LRMDA: variants seen among roughly 807,000 people sequenced by gnomAD.
LRMDA encodes the protein leucine-rich melanocyte differentiation-associated protein.
A neutral mutation model predicts 29.8 loss-of-function variants in LRMDA; 18 were observed. The observed-to-expected ratio is 0.60, with a 90% CI of 0.42 to 0.90. The LOEUF is 0.90. LRMDA is among the 40% of genes least tolerant of loss of function. LRMDA has a pLI of 0.00. For missense variants in LRMDA, 273 were observed against 273.9 expected, an observed-to-expected ratio of 1.00 and a Z score of 0.02; for synonymous variants, 125 against 109.4, an observed-to-expected ratio of 1.14 and a Z score of -0.89.
chr10:75,548,544 G>A (rs980126564), intron 2 of LRMDA, among the ~76,000 whole-genome samples: 2 of 151,950 alleles, frequency 1.3e-5, no homozygotes, highest in African/African-American at 4.8e-5. Context: ...AACAATGAGG[G>A]GTAGTTCCTA....
At chr10:76,110,955 G>C (rs1050593697) in intron 5 of LRMDA, among the ~76,000 whole-genome samples, 10 of 151,990 alleles carry the variant, frequency 6.6e-5, no homozygotes, top group Admixed American at 6.6e-4. Flanking sequence ...CAGCATCCCT[G>C]TCCCTACCCC....
intron 5 of LRMDA, among the ~76,000 whole-genome samples, chr10:76,160,442 AT>A (rs1564670914): frequency 6.6e-6 from 1 of 151,862 alleles, no homozygotes; most frequent in Non-Finnish European, 1.5e-5. Context: ...TATATTTAAA[AT>A]TTTTTTTCTT....
intron 2 of LRMDA, among the ~76,000 whole-genome samples, chr10:76,011,524 A>T (rs1275466323): frequency 2.0e-5 from 3 of 152,068 alleles, no homozygotes; most frequent in Non-Finnish European, 4.4e-5. Flanking sequence ...CCTCCATGTG[A>T]CTAGTGGAGC....
intron 6 of LRMDA, among the ~76,000 whole-genome samples, chr10:76,476,631 C>G (rs1475909013): frequency 6.6e-6 from 1 of 152,124 alleles, no homozygotes; most frequent in Non-Finnish European, 1.5e-5. Flanking sequence ...CCCTGATAAG[C>G]ATCGATGCAA....
At chr10:76,427,563 A>T (rs1842141968) in intron 6 of LRMDA, among the ~76,000 whole-genome samples, 1 of 152,104 alleles carries the variant, frequency 6.6e-6, no homozygotes, top group African/African-American at 2.4e-5. Context: ...GGACAATTAG[A>T]CTTCCTCTTT....
At chr10:76,103,891 A>G (rs985113931) in intron 5 of LRMDA, among the ~76,000 whole-genome samples, 5 of 152,016 alleles carry the variant, frequency 3.3e-5, no homozygotes, top group Non-Finnish European at 7.4e-5. Flanking sequence ...TCTACTAAAA[A>G]TACAAAAGTT....
intron 6 of LRMDA, among the ~76,000 whole-genome samples, chr10:76,337,438 G>A (rs572084933): frequency 7.9e-5 from 12 of 152,288 alleles, no homozygotes; most frequent in Admixed American, 2.6e-4. Context: ...TGATGGTGGA[G>A]TAAAGACCTG....
intron 6 of LRMDA, among the ~76,000 whole-genome samples, chr10:76,352,308 A>G (rs1014408875): frequency 2.0e-5 from 3 of 152,132 alleles, no homozygotes; most frequent in Non-Finnish European, 4.4e-5. Context: ...AGAGATAACG[A>G]TAACTGATAA....
At chr10:76,086,429 C>A (rs1418650496) in intron 5 of LRMDA, among the ~76,000 whole-genome samples, 1 of 152,144 alleles carries the variant, frequency 6.6e-6, no homozygotes, top group Non-Finnish European at 1.5e-5. Flanking sequence ...TTCAAACAAG[C>A]CCTAGTTTCC....
chr10:75,993,786 G>A (rs1022778420), intron 2 of LRMDA, among the ~76,000 whole-genome samples: 3 of 152,030 alleles, frequency 2.0e-5, no homozygotes, highest in African/African-American at 7.2e-5. Flanking sequence ...CATATTATTG[G>A]TACGTGGTGG....
At chr10:76,244,761 G>C (rs537472994) in intron 5 of LRMDA, among the ~76,000 whole-genome samples, 1 of 152,304 alleles carries the variant, frequency 6.6e-6, no homozygotes, top group East Asian at 1.9e-4. Flanking sequence ...TTTAGGCCTA[G>C]AAAGTCGTGA....
intron 5 of LRMDA, among the ~76,000 whole-genome samples, chr10:76,091,971 G>A (rs560830601): frequency 1.4e-3 from 211 of 152,288 alleles, no homozygotes; most frequent in African/African-American, 4.7e-3. Flanking sequence ...ACAGATGTGA[G>A]CCACCAGTAT....
At chr10:76,140,815 A>G (rs1031611567) in intron 5 of LRMDA, among the ~76,000 whole-genome samples, 1 of 152,144 alleles carries the variant, frequency 6.6e-6, no homozygotes, top group African/African-American at 2.4e-5. Flanking sequence ...TGCAGGAAGG[A>G]AGACTAAGGA....
intron 6 of LRMDA, among the ~76,000 whole-genome samples, chr10:76,384,070 T>C (rs2132475499): frequency 6.6e-6 from 1 of 152,228 alleles, no homozygotes; most frequent in Admixed American, 6.5e-5. Context: ...AAGAGCATGG[T>C]CCTTAATCTG....
At chr10:76,540,930 A>G (rs1843346676) in intron 6 of LRMDA, among the ~76,000 whole-genome samples, 2 of 152,336 alleles carry the variant, frequency 1.3e-5, no homozygotes, top group African/African-American at 4.8e-5. Context: ...AATGCTTGAC[A>G]ATACCTGCAC....
chr10:75,479,325 G>A (rs1301146372), intron 2 of LRMDA, among the ~76,000 whole-genome samples: 5 of 151,930 alleles, frequency 3.3e-5, no homozygotes, highest in Non-Finnish European at 5.9e-5. Flanking sequence ...ACATAACACG[G>A]TGAAACCCCG....
rs558013756 is a variant in LRMDA at position 75,698,980 on chromosome 10, C to T, written c.131+260486C>T. ...CTTTGGGAGGCTGAGGCGGGTGGATCACCTGAGGTCAGGAGCTCGAGACCA... is the reference window on the plus strand; with the variant it reads ...CTTTGGGAGGCTGAGGCGGGTGGATTACCTGAGGTCAGGAGCTCGAGACCA... On this transcript the variant is annotated intron_variant, in intron 2 of 6. Coordinates refer to ENST00000611255, the MANE Select transcript of LRMDA (RefSeq NM_001305581.2). Among the ~76,000 whole-genome samples the T allele has an allele frequency of 9.9e-5, 15 of 152,230 alleles. No individual in the cohort carries two copies. The South Asian group carries it at 3.1e-3, about 32-fold the overall frequency.
chr10:75,839,572 T>C (rs909453812), intron 2 of LRMDA, among the ~76,000 whole-genome samples: 19 of 151,516 alleles, frequency 1.3e-4, no homozygotes, highest in African/African-American at 4.4e-4. Flanking sequence ...CATCTTGCAG[T>C]AGCTCTAACT....
chr10:75,998,013 T>C (rs1307720676), intron 2 of LRMDA, among the ~76,000 whole-genome samples: 3 of 152,156 alleles, frequency 2.0e-5, no homozygotes, highest in Non-Finnish European at 2.9e-5. Context: ...TTCCACACCC[T>C]GTGTTGGCTG....
Sources: allele counts gnomAD v4.1 joint callset (sites outside exome capture counted in the v4.1 genomes callset), GRCh38; gene constraint gnomAD v4.1.1; transcripts MANE v1.5; gene names NCBI Gene and HGNC (gene_info 2026-07-23, HGNC 2026-07-21).